The following PCNT variants were observed in gnomAD, a reference collection of about 807,000 sequenced individuals.
PCNT encodes kendrin.
PCNT carries 319 observed loss-of-function variants against 380.4 expected under a neutral mutation model. The ratio of observed to expected loss-of-function variants is 0.84; its 90% CI spans 0.77 to 0.92. The LOEUF is 0.92. Among genes scored for constraint, PCNT ranks in the 40% least tolerant of loss-of-function variants. PCNT has a pLI of 0.00. For missense variants in PCNT, 4,400 were observed against 4,255.3 expected, an observed-to-expected ratio of 1.03 and a Z score of -0.95; for synonymous variants, 1,845 against 1,735.2, an observed-to-expected ratio of 1.06 and a Z score of -1.57.
intron 16 of PCNT, among the ~76,000 whole-genome samples, chr21:46,383,727 G>A (rs1352908204): frequency 8.3e-5 from 12 of 144,004 alleles, no homozygotes; most frequent in Non-Finnish European, 1.5e-5. Flanking sequence ...TATATTCAGT[G>A]ATGGAAGCGC....
intron 15 of PCNT, among the ~76,000 whole-genome samples, chr21:46,371,970 G>A (rs1434505739): frequency 1.4e-5 from 2 of 147,602 alleles, no homozygotes; most frequent in Non-Finnish European, 3.0e-5. Flanking sequence ...CACATACATA[G>A]CACATACACA....
intron 29 of PCNT, among the ~76,000 whole-genome samples, chr21:46,415,199 C>G (rs1001746262): frequency 1.3e-5 from 2 of 152,260 alleles, no homozygotes; most frequent in East Asian, 1.9e-4. Flanking sequence ...CTTAATTCCA[C>G]AGAAATCAGG....
intron 17 of PCNT, among the ~76,000 whole-genome samples, chr21:46,386,291 C>T (rs2085832401): frequency 6.6e-6 from 1 of 152,238 alleles, no homozygotes; most frequent in African/African-American, 2.4e-5. Flanking sequence ...CCGACCCCTC[C>T]CCTTTAGTGT....
At chr21:46,350,753 C>T (rs2084237098) in intron 8 of PCNT, among the ~76,000 whole-genome samples, 1 of 152,130 alleles carries the variant, frequency 6.6e-6, no homozygotes, top group Admixed American at 6.6e-5. Context: ...TCCACACCCC[C>T]AGTCTCTCCC....
chr21:46,436,885 T>C, intron 39 of PCNT, 94 bp from the exon 40 acceptor site: 1 of 926,440 alleles, frequency 1.1e-6, no homozygotes. Flanking sequence ...CAGAAACCTG[T>C]CTTGTCTCTC....
chr21:46,350,195 T>C (rs1569182276), intron 8 of PCNT, among the ~76,000 whole-genome samples: 1 of 152,038 alleles, frequency 6.6e-6, no homozygotes, highest in Non-Finnish European at 1.5e-5. Context: ...ATAAATAAAA[T>C]AAAATGAAAT....
At position 46,432,054 on chromosome 21, in the gene PCNT, G is replaced by C; in HGVS notation, c.8590G>C (p.Glu2864Gln). Residue 2864 changes from glutamate to glutamine, a missense_variant, in exon 38 of 47, where the codon GAG becomes CAG. Transcript: ENST00000359568. ...KRELRCSLER[E>Q]REKPAWLQAE... ...AGAGCTGAGATGCTCTCTGGAGAGA[G>C]AGAGGGAGAAACCAGCGTGGTTGCA... 1 of 1,614,070 alleles carries C rather than the reference G, an allele frequency of 6.2e-7. No individual in the cohort carries two copies. Among genetic ancestry groups the C allele is most frequent in the South Asian group, 1.1e-5 (1 of 91,090 alleles).
chr21:46,326,412 C>G lies in PCNT; in HGVS notation c.90C>G (p.Asp30Glu). 1.2e-6 allele frequency: 2 copies of G among 1,614,216 alleles called. No individual in the cohort carries two copies. The highest frequency in any genetic ancestry group is 1.7e-6 in the Non-Finnish European group (2 of 1,180,038). ...TCCGACAGAGAAAAACAAAAGGTGA[C>G]AGTTCGCATTCGGAGAAAAAGACGG... ...AHFRQRKTKGDSSHSEKKTAK... is the reference protein window; with the variant it reads ...AHFRQRKTKGESSHSEKKTAK... Residue 30 changes from aspartate to glutamate, a missense_variant, in exon 2 of 47, where the codon GAC becomes GAG. Asp to Glu is a conservative substitution (Grantham distance 45). Coordinates refer to ENST00000359568, the MANE Select transcript of PCNT (RefSeq NM_006031.6).
intron 27 of PCNT, among the ~76,000 whole-genome samples, chr21:46,409,889 C>T (rs757716523): frequency 1.7e-4 from 26 of 152,206 alleles, no homozygotes; most frequent in Non-Finnish European, 2.8e-4. Context: ...CCACCGCGCC[C>T]GGCCTCAGTT....
At chr21:46,332,256 AG>A (rs2083583340) in intron 2 of PCNT, among the ~76,000 whole-genome samples, 3 of 152,250 alleles carry the variant, frequency 2.0e-5, no homozygotes, top group African/African-American at 2.4e-5. Flanking sequence ...CTAGTGCTAT[AG>A]AAGGCTTAAG....
chr21:46,353,566 G>A (rs1569186461), intron 10 of PCNT, among the ~76,000 whole-genome samples: 1 of 151,728 alleles, frequency 6.6e-6, no homozygotes, highest in Non-Finnish European at 1.5e-5. Context: ...CATGTTGGTG[G>A]TGGACACGCT....
rs2086776910 is a variant in PCNT at position 46,411,359 on chromosome 21, A to G, written c.5286A>G (p.Glu1762=). 6.2e-7 allele frequency: 1 copy of G among 1,613,992 alleles called. No individual in the cohort carries two copies. The highest frequency in any genetic ancestry group is 1.3e-5 in the African/African-American group (1 of 74,946). The part of the protein sequence containing the change: ...ELSLMGPVVH[E]VSDSQAGSLQ... ...CCCTCATGGGGCCTGTGGTGCACGA[A>G]GTCAGCGACAGTCAGGCTGGCAGTC... Residue 1762 remains glutamate, a synonymous_variant, in exon 28 of 47, where the codon GAA becomes GAG. Transcript: ENST00000359568.
intron 2 of PCNT, among the ~76,000 whole-genome samples, chr21:46,327,146 C>A (rs1008515106): frequency 6.6e-6 from 1 of 150,960 alleles, no homozygotes; most frequent in African/African-American, 2.4e-5. Context: ...CTGCAAGCTC[C>A]GCCTCCCGGG....
intron 2 of PCNT, among the ~76,000 whole-genome samples, chr21:46,333,864 TAAG>T (rs986222660): frequency 1.3e-4 from 20 of 150,302 alleles, no homozygotes; most frequent in Admixed American, 7.3e-4. Context: ...TAGAATTCAT[TAAG>T]AAGAGGGGCA....
Position 46,363,511 on chromosome 21 carries a change from A to G in PCNT, c.2186A>G (p.Lys729Arg). Residue 729 changes from lysine to arginine, a missense_variant, in exon 14 of 47, where the codon AAG becomes AGG. Physicochemically the swap from Lys to Arg is conservative, Grantham distance 26. Coordinates refer to ENST00000359568, the MANE Select transcript of PCNT (RefSeq NM_006031.6). Reference protein sequence around the residue: ...VKHNLIEDHQKELNNAKQKTE... With the variant: ...VKHNLIEDHQRELNNAKQKTE... ...CACAATCTAATTGAAGACCACCAGA[A>G]GGAACTAAATAATGCTAAGCAAAAG... The G allele has an allele frequency of 6.2e-7, 1 of 1,613,994 alleles. No homozygotes were observed. Among genetic ancestry groups the G allele is most frequent in the East Asian group, 2.2e-5 (1 of 44,882 alleles).
Position 46,411,923 on chromosome 21 carries a change from G to A in PCNT, c.5850G>A (p.Arg1950=), listed in dbSNP as rs1251288975. The change falls in exon 28 of 47, where the codon CGG becomes CGA. Residue 1950 remains arginine (R), a synonymous_variant. Coordinates refer to ENST00000359568, the MANE Select transcript of PCNT (RefSeq NM_006031.6). ...FLRCQVELDR[R]QARRATAHTR... Reference sequence around the variant, plus strand: ...GGTGCCAGGTGGAGCTGGACAGGCGGCAGGCCCGCAGAGCCACAGCTCACA... The same window carrying A: ...GGTGCCAGGTGGAGCTGGACAGGCGACAGGCCCGCAGAGCCACAGCTCACA... 6.3e-7 allele frequency: 1 copy of A among 1,589,992 alleles called. No individual in the cohort carries two copies. Among genetic ancestry groups the A allele is most frequent in the Non-Finnish European group, 8.5e-7 (1 of 1,176,066 alleles).
intron 27 of PCNT, among the ~76,000 whole-genome samples, chr21:46,408,745 CAG>C (rs1286784506): frequency 2.5e-5 from 3 of 120,136 alleles, no homozygotes; most frequent in Non-Finnish European, 4.9e-5. Flanking sequence ...TTTTTTGAGA[CAG>C]AGTCTCATTC....
chr21:46,429,830 C>T (rs949976227), intron 35 of PCNT, among the ~76,000 whole-genome samples, 180 bp from the exon 36 acceptor site: 4 of 151,948 alleles, frequency 2.6e-5, no homozygotes, highest in Admixed American at 2.6e-4. Flanking sequence ...GGAAATGGGC[C>T]CAGAGGGCAG....
rs770326896 is a variant in PCNT at position 46,416,775 on chromosome 21, C to T, written c.6857C>T (p.Ala2286Val). The stretch of plus-strand genomic sequence containing the variant: ...TGTTCCCCAGGCGTGTCTGCAGCAG[C>T]GCTGGCACTGCAGTGGGCCGAGTCT... The part of the protein sequence containing the change: ...LLCSPGVSAA[A>V]LALQWAESPP... The change falls in exon 30 of 47, where the codon GCG (alanine) becomes GTG (valine). Residue 2286 changes from alanine to valine, a missense_variant. By Grantham distance (64) the Ala-to-Val change is moderately conservative. Transcript: ENST00000359568. 44 of 1,603,136 alleles carry T rather than the reference C, an allele frequency of 2.7e-5. No homozygotes were observed. Among genetic ancestry groups the T allele is most frequent in the Middle Eastern group, 3.4e-4 (2 of 5,856 alleles).
Sources: allele counts gnomAD v4.1 joint callset (sites outside exome capture counted in the v4.1 genomes callset), GRCh38; gene constraint gnomAD v4.1.1; transcripts MANE v1.5; gene names NCBI Gene and HGNC (gene_info 2026-07-23, HGNC 2026-07-21).